LCOR: variants seen among roughly 807,000 people sequenced by gnomAD.
LCOR encodes the protein ligand dependent nuclear receptor corepressor, also known as ligand-dependent corepressor.
A neutral mutation model predicts 64.4 loss-of-function variants in LCOR; 14 were observed. The ratio of observed to expected loss-of-function variants is 0.22; its 90% CI spans 0.14 to 0.34. The LOEUF (loss-of-function observed/expected upper bound fraction) is 0.34. Ranked by LOEUF, LCOR falls within the 10% of genes least tolerant of loss-of-function variation. The pLI, the probability that LCOR is intolerant of heterozygous loss-of-function variation, is 1.00. For missense variants in LCOR, 1,686 were observed against 1,765.3 expected, an observed-to-expected ratio of 0.96 and a Z score of 0.80; for synonymous variants, 643 against 642.5, an observed-to-expected ratio of 1.00 and a Z score of -0.01.
intron 2 of LCOR, among the ~76,000 whole-genome samples, chr10:96,859,434 A>T (rs1845853063): frequency 6.6e-6 from 1 of 151,914 alleles, no homozygotes; most frequent in Admixed American, 6.6e-5. Context: ...CTGGTCTCGA[A>T]CTCTTGACCT....
At position 96,894,396 on chromosome 10, in the gene LCOR, G is replaced by A. The variant is rs116793253; in HGVS notation, c.-329-12869G>A. ...CCGGCCTGAGAGTACATTTTAGAAG[G>A]AGCAAGGTGAAGAGAGGGATCAAGA... On this transcript the variant is annotated intron_variant, in intron 2 of 7. Transcript: ENST00000421806. Among the ~76,000 whole-genome samples the A allele has an allele frequency of 4.9e-3, 745 of 152,310 alleles. 10 individuals carry two copies. Among genetic ancestry groups the A allele is most frequent in the African/African-American group, 0.017 (717 of 41,568 alleles).
At position 96,983,174 on chromosome 10, in the gene LCOR, G is replaced by A. The variant is rs1191169296; in HGVS notation, c.2714G>A (p.Gly905Glu). 3.7e-6 allele frequency: 6 copies of A among 1,613,972 alleles called. No homozygotes were observed. The highest frequency in any genetic ancestry group is 2.7e-5 in the African/African-American group (2 of 74,884). Residue 905 changes from glycine to glutamate, a missense_variant, in exon 8 of 8, where the codon GGG becomes GAG. Physicochemically the swap from Gly to Glu is moderately conservative, Grantham distance 98. This residue lies in a region of LCOR where 1,293 missense variants were observed against 1,410.4 expected (regional missense o/e 0.92). Transcript: ENST00000421806. This position sits in a 1 kb window ranked among gnomAD's most constrained non-coding sequence, Gnocchi z 4.5. ...KDAEQEGEGG[G>E]IITRQTLKNM... ...GCTGAGCAGGAGGGCGAAGGCGGGG[G>A]GATCATCACCAGGCAGACTTTGAAA... is the stretch of plus-strand genomic sequence containing the variant.
chr10:96,904,331 A>G (rs1846691299), intron 2 of LCOR, among the ~76,000 whole-genome samples: 2 of 152,256 alleles, frequency 1.3e-5, no homozygotes. Flanking sequence ...ACAGAAGACC[A>G]TCCTGACCAG....
chr10:96,902,035 G>C (rs1846647508), intron 2 of LCOR, among the ~76,000 whole-genome samples: 1 of 151,736 alleles, frequency 6.6e-6, no homozygotes, highest in African/African-American at 2.4e-5. Context: ...ACTTTGTTGT[G>C]TATTTCTCTA....
intron 2 of LCOR, among the ~76,000 whole-genome samples, chr10:96,883,216 T>G (rs1307734858): frequency 6.6e-6 from 1 of 152,114 alleles, no homozygotes. Flanking sequence ...GTATTTTTAG[T>G]AGAGATGGGG....
rs180951019 is a variant in LCOR, at chr10:96,851,314, G to T, written c.-330+17835G>T. ...GACTTAATTCAACCGTGTAACCAGG[G>T]TATCCTTAGATGAATGAAGAGTAAA... On this transcript the variant is annotated intron_variant, in intron 2 of 7. Transcript: ENST00000421806. Among the ~76,000 whole-genome samples, 15 of 152,292 alleles carry T rather than the reference G, an allele frequency of 9.8e-5. No individual in the cohort carries two copies. In the East Asian group the frequency reaches 2.9e-3, roughly 29 times the overall value.
chr10:96,874,211 A>G (rs1846125349), intron 2 of LCOR, among the ~76,000 whole-genome samples: 2 of 152,216 alleles, frequency 1.3e-5, no homozygotes, highest in Non-Finnish European at 2.9e-5. Context: ...CAATATTTAC[A>G]GATTTCTGCT....
Position 96,993,773 on chromosome 10 carries a change from T to TATATATATATATATC in LCOR, c.*8642_*8643insTATATATATATCATA, listed in dbSNP as rs1848221042. ...TATATATATATATTATATATATATA[T>TATATATATATATATC]ATACAGGTGTATGATAAACTGGTCA... On this transcript the variant is annotated 3_prime_UTR_variant, in exon 8 of 8. Transcript: ENST00000421806. 6.7e-6 allele frequency: 1 copy of TATATATATATATATC among 149,024 alleles called. No individual in the cohort carries two copies. Among genetic ancestry groups the TATATATATATATATC allele is most frequent in the Admixed American group, 6.7e-5 (1 of 14,884 alleles). 9.2% of individuals were successfully genotyped at this position (149,024 alleles called of 1,614,324 possible). A position where few individuals can be genotyped will look rare whatever the true frequency, so the allele number is the denominator to read the frequency against.
chr10:96,940,281 AACT>A (rs960274861), intron 4 of LCOR, among the ~76,000 whole-genome samples: 1 of 150,572 alleles, frequency 6.6e-6, no homozygotes, highest in Non-Finnish European at 1.5e-5. Context: ...TGGCAAATAC[AACT>A]ATAATAAAGG....
intron 2 of LCOR, among the ~76,000 whole-genome samples, chr10:96,842,621 T>C (rs1008301958): frequency 6.6e-6 from 1 of 151,052 alleles, no homozygotes; most frequent in African/African-American, 2.4e-5. Context: ...TGCTTTTTTT[T>C]CTTTTCTTTT....
intron 2 of LCOR, among the ~76,000 whole-genome samples, chr10:96,842,350 C>T (rs1028789416): frequency 9.9e-5 from 15 of 151,968 alleles, no homozygotes; most frequent in African/African-American, 2.9e-4. Context: ...GCCGAGATTG[C>T]GCCTCTGCAC....
At chr10:96,921,056 CCT>C (rs1349266741) in intron 4 of LCOR, among the ~76,000 whole-genome samples, 1 of 152,034 alleles carries the variant, frequency 6.6e-6, no homozygotes, top group Admixed American at 6.6e-5. Context: ...TCCTAGAACT[CCT>C]AGGCTCATGC....
At chr10:96,841,001 G>A (rs957336780) in intron 2 of LCOR, among the ~76,000 whole-genome samples, 1 of 152,094 alleles carries the variant, frequency 6.6e-6, no homozygotes, top group South Asian at 2.1e-4. Flanking sequence ...AGCTTTAGCT[G>A]TGTGTGGTTT....
Position 96,870,561 on chromosome 10 carries a change from A to C in LCOR, c.-329-36704A>C, listed in dbSNP as rs536399689. Among the ~76,000 whole-genome samples, 10 of 152,286 alleles carry C rather than the reference A, an allele frequency of 6.6e-5. No individual in the cohort carries two copies. The East Asian group carries it at 1.9e-3, about 29-fold the overall frequency. ...CTTCAGATCTTGTAGACTAATTTCA[A>C]GTCTTTTTAAAGTTTTGAAAAACAT... is the stretch of plus-strand genomic sequence containing the variant. On this transcript the variant is annotated intron_variant, in intron 2 of 7. Transcript: ENST00000421806.
At chr10:96,913,244 G>T (rs770927720) in intron 4 of LCOR, among the ~76,000 whole-genome samples, 22 of 152,068 alleles carry the variant, frequency 1.4e-4, no homozygotes, top group Non-Finnish European at 3.2e-4. Flanking sequence ...TTTGAAACAT[G>T]TATGTTTACT....
intron 4 of LCOR, among the ~76,000 whole-genome samples, chr10:96,938,701 TA>T (rs928253563): frequency 7.3e-5 from 11 of 150,804 alleles, no homozygotes; most frequent in South Asian, 2.1e-4. Flanking sequence ...TACCCGTCAT[TA>T]AAAAAAAATA....
chr10:96,953,844 T>C (rs923124557), intron 7 of LCOR, among the ~76,000 whole-genome samples: 1 of 152,218 alleles, frequency 6.6e-6, no homozygotes, highest in Non-Finnish European at 1.5e-5. Flanking sequence ...CCCCATAGAG[T>C]TTTGTAGAAC....
intron 2 of LCOR, among the ~76,000 whole-genome samples, chr10:96,906,622 A>T (rs565055553): frequency 2.6e-5 from 4 of 152,358 alleles, no homozygotes; most frequent in African/African-American, 9.6e-5. Context: ...ATAATAATTT[A>T]AACATTTGTG....
At chr10:96,907,633 C>A in intron 3 of LCOR, 35 bp from the exon 4 acceptor site, 1 of 796,046 alleles carries the variant, frequency 1.3e-6, no homozygotes, top group Non-Finnish European at 1.5e-6. Flanking sequence ...TAAAAATTCT[C>A]TTTTATGACT....
Sources: gnomAD v4.1 joint callset for allele counts (sites outside exome capture counted in the v4.1 genomes callset) on GRCh38, gnomAD v4.1.1 for gene constraint, gnomAD v4.1.1 regional missense constraint, Gnocchi (gnomAD v3.1) non-coding constraint, MANE v1.5 for transcripts, NCBI Gene and HGNC (gene_info 2026-07-23, HGNC 2026-07-21) for gene names.